TRANK1: variants seen among roughly 807,000 people sequenced by gnomAD.
TRANK1 encodes tetratricopeptide repeat and ankyrin repeat containing 1, also known as TPR and ankyrin repeat-containing protein 1.
TRANK1 carries 198 observed loss-of-function variants against 266.0 expected under a neutral mutation model. The observed-to-expected ratio is 0.74, with a 90% confidence interval of 0.66 to 0.84. The LOEUF (loss-of-function observed/expected upper bound fraction) is 0.84. Ranked by LOEUF, TRANK1 falls within the 40% of genes least tolerant of loss-of-function variation. The probability of loss-of-function intolerance (pLI) is 0.00; values close to 1 mark genes in which losing one functional copy is unlikely to be tolerated. For missense variants in TRANK1, 3,326 were observed against 3,634.6 expected, an observed-to-expected ratio of 0.92 and a Z score of 2.18; for synonymous variants, 1,396 against 1,384.1, an observed-to-expected ratio of 1.01 and a Z score of -0.19.
At chr3:36,874,731 G>A (rs768558419) in intron 8 of TRANK1, among the ~76,000 whole-genome samples, 2 of 152,064 alleles carry the variant, frequency 1.3e-5, no homozygotes, top group Non-Finnish European at 2.9e-5. Flanking sequence ...TGGCATCAGG[G>A]GCTGTTTTGT....
intron 8 of TRANK1, among the ~76,000 whole-genome samples, chr3:36,886,904 A>ATTTTTT (rs11445289): frequency 6.8e-5 from 8 of 117,644 alleles, no homozygotes; most frequent in African/African-American, 1.3e-4. Context: ...TTTTTGTTGG[A>ATTTTTT]TTTTTTTTTT....
At chr3:36,885,698 C>T (rs2079592829) in intron 8 of TRANK1, among the ~76,000 whole-genome samples, 1 of 152,178 alleles carries the variant, frequency 6.6e-6, no homozygotes, top group Non-Finnish European at 1.5e-5. Context: ...CCACACCCAG[C>T]TAATTTTTTT....
Position 36,856,741 on chromosome 3 carries a change from C to T in TRANK1, c.2981G>A (p.Arg994His), listed in dbSNP as rs765403445. 3.5e-5 allele frequency: 56 copies of T among 1,613,892 alleles called. No individual in the cohort carries two copies. The highest frequency in any genetic ancestry group is 4.4e-5 in the South Asian group (4 of 91,090). ...GGCCTCTGTGTCCTCCACATAGCAG[C>T]GAGGTATACGCTTTTGAATTTTCAT... ...ANMKIQKRIPRCYVEDTEAEK... is the reference protein window; with the variant it reads ...ANMKIQKRIPHCYVEDTEAEK... Residue 994 changes from arginine (R) to histidine (H), a missense_variant, in exon 13 of 24, where the codon CGC becomes CAC. Coordinates refer to ENST00000645898, the MANE Select transcript of TRANK1 (RefSeq NM_001329998.2).
At position 36,831,179 on chromosome 3, in the gene TRANK1, T is replaced by C; in HGVS notation, c.8404A>G (p.Arg2802Gly). The change falls in exon 22 of 24, where the codon AGG becomes GGG. Residue 2802 changes from arginine to glycine, a missense_variant. By Grantham distance (125) the Arg-to-Gly change is moderately radical (BLOSUM62 -2). Transcript: ENST00000645898. The surrounding 1 kb of genome is among the most constrained non-coding windows in gnomAD (Gnocchi z 5.0). ...GAASEVAVLSRAELEREECQE... is the reference protein window; with the variant it reads ...GAASEVAVLSGAELEREECQE... The stretch of plus-strand genomic sequence containing the variant: ...CACTCCTCCCTTTCCAGCTCAGCCC[T>C]GGAAAGGACTGCCACCTCGGAAGCT... The C allele has an allele frequency of 6.2e-7, 1 of 1,613,974 alleles. No individual in the cohort carries two copies. Among genetic ancestry groups the C allele is most frequent in the Non-Finnish European group, 8.5e-7 (1 of 1,179,890 alleles).
chr3:36,840,415 A>T (rs1297397769), intron 18 of TRANK1, among the ~76,000 whole-genome samples: 1 of 152,196 alleles, frequency 6.6e-6, no homozygotes, highest in South Asian at 2.1e-4. Context: ...CATAAATTGT[A>T]CTTTTCACCC....
At position 36,858,848 on chromosome 3, in the gene TRANK1, C is replaced by T. The variant is rs534183820; in HGVS notation, c.1542G>A (p.Thr514=). ...LQESQERPVV[T]CLKHEDFELA... ...ACTCGAAGTCCTCATGTTTCAGGCA[C>T]GTGACAACTGGCCTCTCCTGGCTCT... The change falls in exon 12 of 24, where the codon ACG becomes ACA. Residue 514 remains threonine (T), a synonymous_variant. Coordinates refer to ENST00000645898, the MANE Select transcript of TRANK1 (RefSeq NM_001329998.2). The T allele has an allele frequency of 7.8e-6, 12 of 1,537,176 alleles. No individual in the cohort carries two copies. The Admixed American group carries it at 9.8e-5, about 13-fold the overall frequency.
rs554007196 is a variant in TRANK1, at chr3:36,892,059, A to C, written c.775+143T>G. 3.1e-5 allele frequency: 34 copies of C among 1,089,020 alleles called. 3 individuals are homozygous for C. The South Asian group carries it at 6.4e-4, about 20-fold the overall frequency. 67.5% of individuals were successfully genotyped at this position (1,089,020 alleles called of 1,614,324 possible). On this transcript the variant is annotated intron_variant, in intron 7 of 23. Transcript: ENST00000645898. ...AATGATACTATTTTCCTGCTGCTTC[A>C]TTCATTTGAATAATCAGATCATTTG... is the stretch of plus-strand genomic sequence containing the variant.
chr3:36,835,924 A>G (rs2078765248), intron 20 of TRANK1, among the ~76,000 whole-genome samples: 1 of 152,242 alleles, frequency 6.6e-6, no homozygotes, highest in Non-Finnish European at 1.5e-5. Context: ...CAAGAAAAAG[A>G]CTTTCCTCGA....
Position 36,832,643 on chromosome 3 carries a change from G to A in TRANK1, c.6940C>T (p.Leu2314=), listed in dbSNP as rs1559413393. 6.2e-7 allele frequency: 1 copy of A among 1,614,016 alleles called. No individual in the cohort carries two copies. The highest frequency in any genetic ancestry group is 2.2e-5 in the East Asian group (1 of 44,882). The change falls in exon 22 of 24, where the codon CTG becomes TTG. Residue 2314 remains leucine, a synonymous_variant. Coordinates refer to ENST00000645898, the MANE Select transcript of TRANK1 (RefSeq NM_001329998.2). ...TTGCGTGCGCTTTCATTTTCAAACA[G>A]AAAGTGGATGTACTCCTTCAAAGCA... ...RFALKEYIHF[L]FENESARNRR...
chr3:36,944,778 G>A lies in TRANK1; in HGVS notation c.23+9C>T. The A allele has an allele frequency of 3.3e-6, 5 of 1,497,580 alleles. No homozygotes were observed. The highest frequency in any genetic ancestry group is 4.4e-6 in the Non-Finnish European group (5 of 1,130,536). The allele number at this position is 1,497,580 out of a possible 1,614,324, so 92.8% of individuals were successfully genotyped here. ...GAGATGCCCCAGTGCTTCCCGCGCC[G>A]CTACGCACCTAGCTGCCCGCGGGTC... is the stretch of plus-strand genomic sequence containing the variant. On this transcript the variant is annotated intron_variant, in intron 1 of 23. Coordinates refer to ENST00000645898, the MANE Select transcript of TRANK1 (RefSeq NM_001329998.2).
intron 9 of TRANK1, among the ~76,000 whole-genome samples, chr3:36,872,620 G>A (rs2079325795): frequency 6.6e-6 from 1 of 152,078 alleles, no homozygotes; most frequent in Non-Finnish European, 1.5e-5. Context: ...ATGCAGCAAT[G>A]GACAAGATAA....
In TRANK1 at chr3:36,857,022, G is replaced by A; in HGVS notation, c.2700C>T (p.Leu900=). The stretch of plus-strand genomic sequence containing the variant: ...GGGAGAAGTCAATGGCGAGCTCCCA[G>A]AGCATCCGGGCTCCTTTGTCCAGCT... The part of the protein sequence containing the change: ...EAKLDKGARM[L]WELAIDFSPR... The change falls in exon 13 of 24, where the codon CTC becomes CTT. Residue 900 remains leucine, a synonymous_variant. Transcript: ENST00000645898. This position sits in a 1 kb window ranked among gnomAD's most constrained non-coding sequence, Gnocchi z 4.3. 1 of 1,614,004 alleles carries A rather than the reference G, an allele frequency of 6.2e-7. No individual in the cohort carries two copies. The highest frequency in any genetic ancestry group is 2.2e-5 in the East Asian group (1 of 44,880).
intron 1 of TRANK1, among the ~76,000 whole-genome samples, chr3:36,932,969 A>G (rs1029665329): frequency 1.3e-5 from 2 of 152,252 alleles, no homozygotes; most frequent in Admixed American, 6.5e-5. Context: ...TTCTCTTCAA[A>G]TAGCTTGATC....
chr3:36,877,048 C>T (rs957924936), intron 8 of TRANK1, among the ~76,000 whole-genome samples: 1 of 152,164 alleles, frequency 6.6e-6, no homozygotes, highest in Non-Finnish European at 1.5e-5. Context: ...ACTGACACTG[C>T]AATTTTTTCA....
At chr3:36,861,459 A>G (rs1176504122) in intron 10 of TRANK1, among the ~76,000 whole-genome samples, 1 of 152,160 alleles carries the variant, frequency 6.6e-6, no homozygotes, top group Non-Finnish European at 1.5e-5. Flanking sequence ...CAGAAGGGCA[A>G]AAGCCTGACT....
chr3:36,853,352 C>T (rs1430620298), intron 13 of TRANK1, among the ~76,000 whole-genome samples: 1 of 152,186 alleles, frequency 6.6e-6, no homozygotes, highest in Non-Finnish European at 1.5e-5. Flanking sequence ...ATACAATGGT[C>T]TAGGTAGAAC....
Position 36,903,264 on chromosome 3 carries a change from C to T in TRANK1, c.167G>A (p.Arg56Lys). ...GTTGCACAGCAGCACAGCCAAGTCC[C>T]TCGGGGGAACCCTGTAAGAACAAAC... Reference protein sequence around the residue: ...LQLYQWGVPPRDLAVLLCNKS... With the variant: ...LQLYQWGVPPKDLAVLLCNKS... The change falls in exon 3 of 24, where the codon AGG (arginine) becomes AAG (lysine). Residue 56 changes from arginine (R) to lysine (K), a missense_variant. By Grantham distance (26) the Arg-to-Lys change is conservative (BLOSUM62 2). Coordinates refer to ENST00000645898, the MANE Select transcript of TRANK1 (RefSeq NM_001329998.2). The T allele has an allele frequency of 6.5e-7, 1 of 1,537,272 alleles. No homozygotes were observed. The highest frequency in any genetic ancestry group is 8.7e-7 in the Non-Finnish European group (1 of 1,146,874).
Position 36,858,011 on chromosome 3 carries a change from G to T in TRANK1, c.1711C>A (p.Leu571Met), listed in dbSNP as rs764095474. Residue 571 changes from leucine to methionine, a missense_variant, in exon 13 of 24, where the codon CTG (leucine) becomes ATG (methionine). Leu to Met is a conservative substitution (Grantham distance 15). Transcript: ENST00000645898. The part of the protein sequence containing the change: ...GFSFLSHLLD[L>M]FWSNPTEFDY... ...AATTCAGTGGGGTTGGACCAAAACAGATCCAACAGATGGCTGAGGAAGCTA... is the reference window on the plus strand; with the variant it reads ...AATTCAGTGGGGTTGGACCAAAACATATCCAACAGATGGCTGAGGAAGCTA... The T allele has an allele frequency of 3.2e-6, 5 of 1,586,834 alleles. No homozygotes were observed. The highest frequency in any genetic ancestry group is 4.3e-6 in the Non-Finnish European group (5 of 1,172,630).
At chr3:36,858,583 G>A (rs2079091136) in intron 12 of TRANK1, 135 bp downstream of exon 12, 1 of 1,026,624 alleles carries the variant, frequency 9.7e-7, no homozygotes, top group Non-Finnish European at 1.3e-6. Context: ...CAGGTGACAT[G>A]GGCAGGCCTG....
Sources: gnomAD v4.1 joint callset for allele counts (sites outside exome capture counted in the v4.1 genomes callset) on GRCh38, gnomAD v4.1.1 for gene constraint, Gnocchi (gnomAD v3.1) non-coding constraint, MANE v1.5 for transcripts, NCBI Gene and HGNC (gene_info 2026-07-23, HGNC 2026-07-21) for gene names.